Variants in PRELID2 observed in about 807,000 individuals in gnomAD.
PRELID2 encodes the protein PRELI domain containing 2.
In PRELID2, 25 loss-of-function variants were observed where a neutral mutation model predicts 28.4. The observed-to-expected ratio is 0.88, with a 90% CI of 0.64 to 1.23. The LOEUF is 1.23. PRELID2 is among the 50% of genes most tolerant of loss of function. The probability of loss-of-function intolerance (pLI) is 0.00; values close to 1 mark genes in which losing one functional copy is unlikely to be tolerated. For missense variants in PRELID2, 201 were observed against 214.4 expected, an observed-to-expected ratio of 0.94 and a Z score of 0.39; for synonymous variants, 76 against 71.6, an observed-to-expected ratio of 1.06 and a Z score of -0.31.
chr5:145,730,536 G>A (rs1473893775), intron 1 of PRELID2, among the ~76,000 whole-genome samples: 2 of 152,174 alleles, frequency 1.3e-5, no homozygotes, highest in Admixed American at 1.3e-4. Flanking sequence ...GATGAGGTTG[G>A]TTGGAAGAAG....
chr5:145,519,751 C>G (rs1321519520), intron 1 of PRELID2, among the ~76,000 whole-genome samples: 1 of 151,942 alleles, frequency 6.6e-6, no homozygotes, highest in African/African-American at 2.4e-5. Context: ...GATGTGGAGA[C>G]CAGCAGACCA....
intron 1 of PRELID2, among the ~76,000 whole-genome samples, chr5:145,744,822 G>A (rs780360266): frequency 2.0e-5 from 3 of 152,018 alleles, no homozygotes; most frequent in Non-Finnish European, 2.9e-5. Flanking sequence ...TGATTGCAAC[G>A]TTTCTCCAGC....
At chr5:145,658,240 A>G (rs1368961359) in intron 1 of PRELID2, among the ~76,000 whole-genome samples, 1 of 152,244 alleles carries the variant, frequency 6.6e-6, no homozygotes, top group Non-Finnish European at 1.5e-5. Flanking sequence ...GAGTGAAAGC[A>G]AAACCATAAG....
chr5:145,579,516 A>C (rs1394240659), intron 1 of PRELID2, among the ~76,000 whole-genome samples: 2 of 152,110 alleles, frequency 1.3e-5, no homozygotes, highest in East Asian at 3.9e-4. Flanking sequence ...TGACAAGAGG[A>C]GTCAAGTTTC....
chr5:145,418,043 A>G, the PRELID2 span, among the ~76,000 whole-genome samples: 1 of 152,258 alleles, frequency 6.6e-6, no homozygotes, highest in Admixed American at 6.5e-5. Flanking sequence ...CAACTTCAGC[A>G]AAGTCTCAGG....
intron 1 of PRELID2, among the ~76,000 whole-genome samples, chr5:145,606,525 T>C (rs1753506908): frequency 1.3e-5 from 2 of 152,174 alleles, no homozygotes; most frequent in African/African-American, 4.8e-5. Flanking sequence ...ATTGAGATAA[T>C]GTGGTTTTTG....
the PRELID2 span, among the ~76,000 whole-genome samples, chr5:145,405,702 G>GTTTTTTTTTTTTTTTTTTTTTTTTTTTT: frequency 1.8e-5 from 1 of 54,626 alleles, no homozygotes; most frequent in African/African-American, 7.0e-5. Flanking sequence ...CCACATAGTT[G>GTTTTTTTTTTTTTTTTTTTTTTTTTTTT]TTTTTTTTTT....
chr5:145,812,234 T>A (rs1477255512), intron 4 of PRELID2, among the ~76,000 whole-genome samples: 1 of 151,686 alleles, frequency 6.6e-6, no homozygotes, highest in Non-Finnish European at 1.5e-5. Context: ...TGATCCTAGA[T>A]GATGTTGACA....
chr5:145,237,401 G>T, the PRELID2 span, among the ~76,000 whole-genome samples: 1 of 151,964 alleles, frequency 6.6e-6, no homozygotes, highest in South Asian at 2.1e-4. Flanking sequence ...TATGCCTATG[G>T]CTGAGCTTTC....
intron 1 of PRELID2, among the ~76,000 whole-genome samples, chr5:145,584,637 T>C (rs1023719663): frequency 7.5e-5 from 11 of 146,206 alleles, no homozygotes; most frequent in African/African-American, 2.5e-4. Context: ...CATGAACATA[T>C]GCTTCTCAAA....
intron 1 of PRELID2, among the ~76,000 whole-genome samples, chr5:145,529,691 T>A (rs187522031): frequency 6.6e-6 from 1 of 151,962 alleles, no homozygotes; most frequent in Non-Finnish European, 1.5e-5. Context: ...TAGTGACAGA[T>A]ACAAACAGTA....
the PRELID2 span, among the ~76,000 whole-genome samples, chr5:145,421,711 G>A: frequency 1.4e-5 from 2 of 144,514 alleles, no homozygotes; most frequent in Non-Finnish European, 3.1e-5. Flanking sequence ...TTTTTTGAAG[G>A]GTTTTTTTGT....
intron 1 of PRELID2, chr5:145,704,378 C>G (rs17103651): frequency 6.6e-6 from 1 of 152,114 alleles, no homozygotes; most frequent in Non-Finnish European, 1.5e-5. Flanking sequence ...GAGCAAAACA[C>G]GATCTGCAGC....
chr5:145,782,050 A>AGAGATTAGAGGAACTAGTGGGTGT lies in PRELID2; in HGVS notation c.474+14368_474+14391dup, dbSNP rs1751672140. 6.6e-5 allele frequency among the ~76,000 whole-genome samples: 10 copies of AGAGATTAGAGGAACTAGTGGGTGT among 152,296 alleles called. No homozygotes were observed. In the South Asian group the frequency reaches 1.9e-3, roughly 28 times the overall value. The stretch of plus-strand genomic sequence containing the variant: ...GAACACAGCTCCCAAATCTCTTTGG[A>AGAGATTAGAGGAACTAGTGGGTGT]GAGATTAGAGGAACTAGTGGGTGTG... On this transcript the variant is annotated intron_variant, in intron 5 of 6. Transcript: ENST00000683046.
chr5:145,764,033 C>T (rs1757604688), intron 6 of PRELID2, among the ~76,000 whole-genome samples: 3 of 151,828 alleles, frequency 2.0e-5, no homozygotes, highest in Admixed American at 2.0e-4. Flanking sequence ...GTGGAGGCTG[C>T]AGTGAGCCGA....
chr5:145,474,095 A>G (rs1448233062), intron 1 of PRELID2, among the ~76,000 whole-genome samples: 2 of 152,202 alleles, frequency 1.3e-5, no homozygotes, highest in Non-Finnish European at 2.9e-5. Flanking sequence ...AAAGTACTCA[A>G]TCCAGAGTGT....
chr5:145,398,972 A>G, the PRELID2 span, among the ~76,000 whole-genome samples: 4 of 152,168 alleles, frequency 2.6e-5, no homozygotes, highest in Admixed American at 6.6e-5. Flanking sequence ...CTTTGAGTGA[A>G]GAAAAAACTT....
the PRELID2 span, among the ~76,000 whole-genome samples, chr5:145,401,591 C>T: frequency 6.6e-6 from 1 of 152,134 alleles, no homozygotes; most frequent in Non-Finnish European, 1.5e-5. Flanking sequence ...AGAATGTTAG[C>T]TTGTGTGAGG....
chr5:145,276,308 A>C, the PRELID2 span, among the ~76,000 whole-genome samples: 1 of 152,104 alleles, frequency 6.6e-6, no homozygotes, highest in Non-Finnish European at 1.5e-5. Flanking sequence ...TTCCACTAAA[A>C]TATCTCATCT....
Sources: allele counts gnomAD v4.1 joint callset (sites outside exome capture counted in the v4.1 genomes callset), GRCh38; gene constraint gnomAD v4.1.1; transcripts MANE v1.5; gene names NCBI Gene and HGNC (gene_info 2026-07-23, HGNC 2026-07-21).